The following ZCCHC4 variants were observed in gnomAD, a reference collection of about 807,000 sequenced individuals.
The protein encoded by ZCCHC4 is zinc finger CCHC-type containing 4.
In ZCCHC4, 54 loss-of-function variants were observed where a neutral mutation model predicts 67.7. The ratio of observed to expected loss-of-function variants is 0.80; its 90% CI spans 0.64 to 1.00. The LOEUF (loss-of-function observed/expected upper bound fraction) is 1.00, where lower values mean the gene tolerates loss of function less well. ZCCHC4 is among the 50% of genes least tolerant of loss of function. The pLI is 0.00. For synonymous variants in ZCCHC4, 198 were observed against 213.5 expected (o/e 0.93, Z 0.63); for missense variants, 609 against 617.0 (o/e 0.99, Z 0.14).
At position 25,369,108 on chromosome 4, in the gene ZCCHC4, T is replaced by C; in HGVS notation, c.1486T>C (p.Ser496Pro). 6.8e-6 allele frequency: 11 copies of C among 1,613,982 alleles called. No homozygotes were observed. The highest frequency in any genetic ancestry group is 9.3e-6 in the Non-Finnish European group (11 of 1,179,990). The change falls in exon 13 of 13, where the codon TCT becomes CCT. Residue 496 changes from serine (S) to proline (P), a missense_variant. By Grantham distance (74) the Ser-to-Pro change is moderately conservative. Coordinates refer to ENST00000302874, the MANE Select transcript of ZCCHC4 (RefSeq NM_024936.3). ...GAAAGGACAATCCATGAATCATACA[T>C]CTGCTACAAGGAGAAAGAAAAGGAG... ...TTKGQSMNHTSATRRKKRRER... is the reference protein window; with the variant it reads ...TTKGQSMNHTPATRRKKRRER...
At chr4:25,315,255 C>A in intron 2 of ZCCHC4, 63 bp from the exon 3 acceptor site, 1 of 1,384,616 alleles carries the variant, frequency 7.2e-7, no homozygotes, top group Non-Finnish European at 9.9e-7. Context: ...GAATGTGATG[C>A]CAGTTCTTCT....
intron 12 of ZCCHC4, among the ~76,000 whole-genome samples, chr4:25,367,590 A>C (rs936322346): frequency 3.3e-5 from 5 of 152,204 alleles, no homozygotes; most frequent in Non-Finnish European, 5.9e-5. Context: ...TCCTACTTTA[A>C]AAAAGTGGGG....
At chr4:25,346,504 C>CTT (rs1486900529) in intron 6 of ZCCHC4, among the ~76,000 whole-genome samples, 2 of 152,060 alleles carry the variant, frequency 1.3e-5, no homozygotes, top group African/African-American at 4.8e-5. Flanking sequence ...ATGTATTGTG[C>CTT]TTTGAGATAT....
In ZCCHC4 at chr4:25,333,455, C is replaced by A; in HGVS notation, c.602C>A (p.Pro201Gln). Residue 201 changes from proline to glutamine, a missense_variant, in exon 4 of 13, where the codon CCA becomes CAA. Coordinates refer to ENST00000302874, the MANE Select transcript of ZCCHC4 (RefSeq NM_024936.3). ...GFRRVLCVGT[P>Q]RLHELIKLTA... ...AGAAGAGTACTGTGTGTTGGAACAC[C>A]AAGGTATGTCATGTGATTTTTTAAA... The A allele has an allele frequency of 6.2e-7, 1 of 1,613,280 alleles. No individual in the cohort carries two copies. The highest frequency in any genetic ancestry group is 8.5e-7 in the Non-Finnish European group (1 of 1,179,554).
chr4:25,363,183 C>T (rs1288155205), intron 10 of ZCCHC4, among the ~76,000 whole-genome samples: 1 of 152,160 alleles, frequency 6.6e-6, no homozygotes, highest in African/African-American at 2.4e-5. Flanking sequence ...ATCCTTCTTC[C>T]TGAAGGGTGT....
At chr4:25,349,994 C>G (rs1338686408) in intron 7 of ZCCHC4, among the ~76,000 whole-genome samples, 1 of 152,074 alleles carries the variant, frequency 6.6e-6, no homozygotes, top group Admixed American at 6.6e-5. Flanking sequence ...GATTTTTGAA[C>G]AAAGCCGACA....
chr4:25,315,305 T>C lies in ZCCHC4; in HGVS notation c.247-13T>C. 1 of 1,607,906 alleles carries C rather than the reference T, an allele frequency of 6.2e-7. No individual in the cohort carries two copies. The highest frequency in any genetic ancestry group is 8.5e-7 in the Non-Finnish European group (1 of 1,177,100). ...TTCACAGTTTATTCAATGGGTTTTGTACTCTCTTTCAGTTGTCAGGAGCTA... is the reference window on the plus strand; with the variant it reads ...TTCACAGTTTATTCAATGGGTTTTGCACTCTCTTTCAGTTGTCAGGAGCTA... On this transcript the variant is annotated splice_polypyrimidine_tract_variant and intron_variant, in intron 2 of 12. Transcript: ENST00000302874.
intron 1 of ZCCHC4, 142 bp downstream of exon 1, chr4:25,313,078 C>A: frequency 7.9e-7 from 1 of 1,269,930 alleles, no homozygotes. Flanking sequence ...TTCCTCGGAA[C>A]GCGGTGTTTT....
intron 12 of ZCCHC4, 40 bp downstream of exon 12, chr4:25,365,206 T>C (rs746614302): frequency 6.2e-7 from 1 of 1,610,228 alleles, no homozygotes; most frequent in Admixed American, 1.7e-5. Flanking sequence ...ATTCCATCTG[T>C]GTTTTATACA....
At chr4:25,340,240 G>A (rs1348429401) in intron 5 of ZCCHC4, among the ~76,000 whole-genome samples, 3 of 152,070 alleles carry the variant, frequency 2.0e-5, no homozygotes, top group Non-Finnish European at 2.9e-5. Flanking sequence ...CTCTAGCACC[G>A]TTTATTGAAA....
At chr4:25,333,692 A>G (rs1195533325) in intron 4 of ZCCHC4, among the ~76,000 whole-genome samples, 1 of 152,218 alleles carries the variant, frequency 6.6e-6, no homozygotes, top group Admixed American at 6.5e-5. Flanking sequence ...TAACTGCTAA[A>G]TTGTTTATAA....
At chr4:25,340,961 C>T (rs756169237) in intron 5 of ZCCHC4, among the ~76,000 whole-genome samples, 3 of 152,082 alleles carry the variant, frequency 2.0e-5, no homozygotes, top group African/African-American at 4.8e-5. Flanking sequence ...AAGACCTTTA[C>T]GGTGACCCAC....
chr4:25,329,210 A>T (rs915755158), intron 3 of ZCCHC4, among the ~76,000 whole-genome samples: 13 of 151,980 alleles, frequency 8.6e-5, no homozygotes, highest in Non-Finnish European at 1.8e-4. Context: ...TAAATAAATA[A>T]TTTTATTATG....
Position 25,333,903 on chromosome 4 carries a change from T to G in ZCCHC4, c.606-5T>G. On this transcript the variant is annotated splice_region_variant and splice_polypyrimidine_tract_variant and intron_variant, in intron 4 of 12. Transcript: ENST00000302874. The stretch of plus-strand genomic sequence containing the variant: ...TATTACATTTGCTTTCACTAATTGC[T>G]TTAGGTTGCATGAGCTGATCAAGTT... 2.5e-6 allele frequency: 4 copies of G among 1,583,374 alleles called. No individual in the cohort carries two copies. Among genetic ancestry groups the G allele is most frequent in the South Asian group, 1.2e-5 (1 of 84,562 alleles).
At chr4:25,339,206 C>G (rs910073057) in intron 5 of ZCCHC4, among the ~76,000 whole-genome samples, 1 of 152,182 alleles carries the variant, frequency 6.6e-6, no homozygotes, top group African/African-American at 2.4e-5. Flanking sequence ...TTAATTACCT[C>G]TTTAAAGGCT....
At chr4:25,347,904 G>T (rs559749299) in intron 6 of ZCCHC4, among the ~76,000 whole-genome samples, 3 of 152,152 alleles carry the variant, frequency 2.0e-5, no homozygotes, top group African/African-American at 7.2e-5. Flanking sequence ...TCAAATTACT[G>T]TCAACATTGT....
chr4:25,366,928 C>T (rs1373828880), intron 12 of ZCCHC4, among the ~76,000 whole-genome samples: 1 of 152,050 alleles, frequency 6.6e-6, no homozygotes, highest in Non-Finnish European at 1.5e-5. Flanking sequence ...AGAGCAAATC[C>T]TGTGAGATGT....
At chr4:25,318,349 C>CTT (rs528144406) in intron 3 of ZCCHC4, among the ~76,000 whole-genome samples, 1,785 of 45,616 alleles carry the variant, frequency 0.039, 73 homozygotes, top group African/African-American at 0.087. Flanking sequence ...CACTCTCTCT[C>CTT]TTTTTTTTTT....
At chr4:25,335,509 C>G (rs552791666) in intron 5 of ZCCHC4, among the ~76,000 whole-genome samples, 2 of 152,252 alleles carry the variant, frequency 1.3e-5, no homozygotes, top group African/African-American at 2.4e-5. Flanking sequence ...GCCTGTAATC[C>G]CAGCACTTTC....
Sources: gnomAD v4.1 joint callset for allele counts (sites outside exome capture counted in the v4.1 genomes callset) on GRCh38, gnomAD v4.1.1 for gene constraint, MANE v1.5 for transcripts, NCBI Gene and HGNC (gene_info 2026-07-23, HGNC 2026-07-21) for gene names.